MDGA2: variants seen among roughly 807,000 people sequenced by gnomAD.
MDGA2 encodes the protein MAM domain-containing glycosylphosphatidylinositol anchor protein 2.
In MDGA2, 40 loss-of-function variants were observed where a neutral mutation model predicts 117.8. That is an observed-to-expected ratio of 0.34 (90% CI 0.26 to 0.44). The LOEUF is 0.44. Ranked by LOEUF, MDGA2 falls within the 20% of genes least tolerant of loss-of-function variation. The pLI, the probability that MDGA2 is intolerant of heterozygous loss-of-function variation, is 1.00. For synonymous variants in MDGA2, 452 were observed against 439.0 expected, an observed-to-expected ratio of 1.03 and a Z score of -0.37; for missense variants, 1,123 against 1,250.6, an observed-to-expected ratio of 0.90 and a Z score of 1.54.
chr14:47,640,276 A>G (rs1359198374), intron 1 of MDGA2, among the ~76,000 whole-genome samples: 1 of 152,098 alleles, frequency 6.6e-6, no homozygotes, highest in East Asian at 1.9e-4. Context: ...CCAGTTTTCA[A>G]CTTCTGAAGG....
chr14:47,507,482 C>T (rs1013376), intron 1 of MDGA2, among the ~76,000 whole-genome samples: 144,774 of 152,240 alleles, frequency 0.95, 68,906 homozygotes, highest in East Asian at 1. Context: ...ACAGACCAGA[C>T]CTGAAAAGGA....
At chr14:46,873,886 T>G in intron 13 of MDGA2, 159 bp downstream of exon 13, 1 of 647,974 alleles carries the variant, frequency 1.5e-6, no homozygotes, top group Non-Finnish European at 2.3e-6. Flanking sequence ...AAAATTAATG[T>G]CTACAAAGTT....
At chr14:47,529,839 T>C (rs141323764) in intron 1 of MDGA2, among the ~76,000 whole-genome samples, 4 of 152,378 alleles carry the variant, frequency 2.6e-5, no homozygotes, top group East Asian at 3.9e-4. Flanking sequence ...TTGTAGGATA[T>C]GTATGAATAT....
intron 10 of MDGA2, among the ~76,000 whole-genome samples, chr14:46,902,493 C>A (rs1412239323): frequency 6.6e-6 from 1 of 152,048 alleles, no homozygotes. Context: ...AAATTACACT[C>A]TTTGAAGGAA....
rs551593988 is a variant in MDGA2, at chr14:47,419,595, C to T, written c.281-118045G>A. On this transcript the variant is annotated intron_variant, in intron 1 of 16. Coordinates refer to ENST00000399232, the MANE Select transcript of MDGA2 (RefSeq NM_001113498.3). ...ACTAATGGCCTTTCCTTATACATTTCTTATACAGGTTTGCTGCTTATTTAC... is the reference window on the plus strand; with the variant it reads ...ACTAATGGCCTTTCCTTATACATTTTTTATACAGGTTTGCTGCTTATTTAC... 2.6e-5 allele frequency among the ~76,000 whole-genome samples: 4 copies of T among 152,146 alleles called. No homozygotes were observed. The South Asian group carries it at 8.3e-4, about 32-fold the overall frequency.
chr14:46,914,974 T>G (rs989118639), intron 10 of MDGA2, among the ~76,000 whole-genome samples: 1 of 152,186 alleles, frequency 6.6e-6, no homozygotes, highest in Non-Finnish European at 1.5e-5. Context: ...GTAAAATATG[T>G]GAACCATAGT....
intron 1 of MDGA2, among the ~76,000 whole-genome samples, chr14:47,316,932 T>A (rs2139860812): frequency 6.6e-6 from 1 of 152,224 alleles, no homozygotes; most frequent in South Asian, 2.1e-4. Flanking sequence ...AGGGTCTAAT[T>A]CCAGAGCTAT....
chr14:47,537,874 T>A (rs1418078883), intron 1 of MDGA2, among the ~76,000 whole-genome samples: 2 of 152,292 alleles, frequency 1.3e-5, no homozygotes, highest in East Asian at 3.9e-4. Context: ...GATGAGTTCA[T>A]AGTAATAAAT....
At chr14:46,969,772 C>T (rs955598309) in intron 8 of MDGA2, among the ~76,000 whole-genome samples, 19 of 150,916 alleles carry the variant, frequency 1.3e-4, no homozygotes, top group Non-Finnish European at 2.4e-4. Flanking sequence ...CATCACACAC[C>T]GGGGCCCGTT....
intron 10 of MDGA2, among the ~76,000 whole-genome samples, chr14:46,919,451 A>C (rs920571711): frequency 6.6e-6 from 1 of 152,210 alleles, no homozygotes; most frequent in African/African-American, 2.4e-5. Flanking sequence ...AACCCTTTGA[A>C]AAAGATACAG....
intron 1 of MDGA2, among the ~76,000 whole-genome samples, chr14:47,561,152 TG>T (rs369152444): frequency 0.12 from 9,598 of 82,802 alleles, 1,323 homozygotes; most frequent in East Asian, 0.21. Flanking sequence ...TTTTTTTTTT[TG>T]TTTTGTTTTG....
intron 1 of MDGA2, among the ~76,000 whole-genome samples, chr14:47,627,353 A>G (rs1897166164): frequency 6.8e-6 from 1 of 147,354 alleles, no homozygotes; most frequent in African/African-American, 2.6e-5. Context: ...ACCAACTGGC[A>G]CTCTGTGTCT....
chr14:46,871,219 T>C (rs558101385), intron 14 of MDGA2: 15 of 151,816 alleles, frequency 9.9e-5, no homozygotes, highest in Non-Finnish European at 2.2e-4. Context: ...TGATTTTACC[T>C]ATTTTTATGT....
chr14:47,558,711 A>G (rs2138792965), intron 1 of MDGA2, among the ~76,000 whole-genome samples: 1 of 152,330 alleles, frequency 6.6e-6, no homozygotes, highest in Admixed American at 6.5e-5. Context: ...CCTTTTTATA[A>G]GTGCATATAA....
At chr14:47,248,210 T>A (rs1378371993) in intron 2 of MDGA2, among the ~76,000 whole-genome samples, 1 of 150,106 alleles carries the variant, frequency 6.7e-6, no homozygotes, top group African/African-American at 2.5e-5. Context: ...AGTGAAAAAA[T>A]AAATAAAAAA....
At chr14:47,533,951 G>A (rs567241347) in intron 1 of MDGA2, among the ~76,000 whole-genome samples, 1 of 152,120 alleles carries the variant, frequency 6.6e-6, no homozygotes, top group African/African-American at 2.4e-5. Context: ...AGCTTAAAAG[G>A]TAAAATTCAT....
chr14:47,491,880 G>A lies in MDGA2; in HGVS notation c.280+182637C>T, dbSNP rs149254570. 6.3e-4 allele frequency among the ~76,000 whole-genome samples: 96 copies of A among 151,982 alleles called. 1 individual carries two copies. Among genetic ancestry groups the A allele is most frequent in the Middle Eastern group, 3.4e-3 (1 of 292 alleles). On this transcript the variant is annotated intron_variant, in intron 1 of 16. Coordinates refer to ENST00000399232, the MANE Select transcript of MDGA2 (RefSeq NM_001113498.3). ...TTCCTAAAAAAAATTCTAACATAAA[G>A]TTATCACATTTGACCACAGTGTTGG... is the stretch of plus-strand genomic sequence containing the variant.
chr14:46,964,298 A>C (rs1885929110), intron 8 of MDGA2, among the ~76,000 whole-genome samples: 1 of 147,956 alleles, frequency 6.8e-6, no homozygotes, highest in Non-Finnish European at 1.5e-5. Flanking sequence ...CTATGATTAG[A>C]TATAATAAAA....
chr14:47,292,786 C>T (rs891118969), intron 2 of MDGA2, among the ~76,000 whole-genome samples: 3 of 152,126 alleles, frequency 2.0e-5, no homozygotes, highest in African/African-American at 7.2e-5. Flanking sequence ...ATGCCTACTT[C>T]CTCAAGGTGT....
Sources: allele counts gnomAD v4.1 joint callset (sites outside exome capture counted in the v4.1 genomes callset), GRCh38; gene constraint gnomAD v4.1.1; transcripts MANE v1.5; gene names NCBI Gene and HGNC (gene_info 2026-07-23, HGNC 2026-07-21).